CLEC9A: variants seen among roughly 807,000 people sequenced by gnomAD.
CLEC9A encodes C-type lectin domain family 9 member A.
Under a neutral mutation model 30.0 loss-of-function variants are expected in CLEC9A, and 24 were observed. The observed-to-expected ratio is 0.80, with a 90% CI of 0.58 to 1.13. The LOEUF is 1.13. Among genes scored for constraint, CLEC9A ranks in the 50% most tolerant of loss-of-function variants. The pLI is 0.00. For missense variants in CLEC9A, 251 were observed against 280.9 expected, an observed-to-expected ratio of 0.89 and a Z score of 0.76; for synonymous variants, 111 against 96.8, an observed-to-expected ratio of 1.15 and a Z score of -0.86.
chr12:10,040,544 A>G (rs917705791), intron 1 of CLEC9A, among the ~76,000 whole-genome samples: 8 of 149,854 alleles, frequency 5.3e-5, no homozygotes, highest in South Asian at 2.1e-4. Flanking sequence ...TCCGCCTCCC[A>G]GGTTCACGCC....
chr12:10,051,233 T>A (rs1181943754), intron 2 of CLEC9A, among the ~76,000 whole-genome samples: 1 of 151,664 alleles, frequency 6.6e-6, no homozygotes, highest in Non-Finnish European at 1.5e-5. Flanking sequence ...ATAAATAAAT[T>A]AAATAAATAA....
At chr12:10,060,995 C>A in intron 5 of CLEC9A, 132 bp from the exon 6 acceptor site, 1 of 1,133,930 alleles carries the variant, frequency 8.8e-7, no homozygotes, top group Non-Finnish European at 1.2e-6. Flanking sequence ...AAATTTTAAG[C>A]AAAAACCTAA....
intron 5 of CLEC9A, among the ~76,000 whole-genome samples, chr12:10,055,296 CT>C (rs1865931705): frequency 1.3e-5 from 2 of 152,244 alleles, no homozygotes; most frequent in African/African-American, 4.8e-5. Context: ...TGTGAGTTCG[CT>C]TTTTAAGAAG....
chr12:10,049,509 A>G (rs1360928346), intron 2 of CLEC9A, among the ~76,000 whole-genome samples: 2 of 152,290 alleles, frequency 1.3e-5, no homozygotes, highest in Admixed American at 1.3e-4. Flanking sequence ...GCAACCTTCA[A>G]TTATCTTAGC....
At chr12:10,049,442 G>A (rs1193264444) in intron 2 of CLEC9A, among the ~76,000 whole-genome samples, 2 of 152,086 alleles carry the variant, frequency 1.3e-5, no homozygotes, top group Non-Finnish European at 2.9e-5. Context: ...AGTCCTAGAT[G>A]TCATCTTTCC....
rs747201928 is a variant in CLEC9A, at chr12:10,064,862, CT to C, written c.593+10del. 5.6e-6 allele frequency: 9 copies of C among 1,606,024 alleles called. No individual in the cohort carries two copies. In the East Asian group the frequency reaches 2.0e-4, roughly 36 times the overall value. ...TCTCCTTCTCCTGGCCTGTAAGTCT[CT>C]GAGTGAAATGCTACAAGAAAAGTTA... On this transcript the variant is annotated intron_variant, in intron 8 of 8. Transcript: ENST00000355819.
intron 2 of CLEC9A, chr12:10,045,616 A>G (rs1042364799): frequency 8.7e-5 from 23 of 263,778 alleles, no homozygotes; most frequent in Non-Finnish European, 1.5e-4. Context: ...GCCAAGGTGG[A>G]CCAGCTACCT....
chr12:10,065,568 C>G lies in CLEC9A; in HGVS notation c.662C>G (p.Ser221Trp). 1.2e-6 allele frequency: 2 copies of G among 1,613,934 alleles called. No homozygotes were observed. The highest frequency in any genetic ancestry group is 1.7e-6 in the Non-Finnish European group (2 of 1,179,892). Residue 221 changes from serine (S) to tryptophan (W), a missense_variant, in exon 9 of 9, where the codon TCG (serine) becomes TGG (tryptophan). Transcript: ENST00000355819. ...TACGTGAAAAGCAATTCCCTTCTTTCGTCTAACTGCAGCACGTGGAAGTAT... is the reference window on the plus strand; with the variant it reads ...TACGTGAAAAGCAATTCCCTTCTTTGGTCTAACTGCAGCACGTGGAAGTAT... ...CGYVKSNSLL[S>W]SNCSTWKYFI...
chr12:10,051,185 ACAAGAGTGAAACTCTGTCT>A (rs1028216341), intron 2 of CLEC9A, among the ~76,000 whole-genome samples: 1 of 151,860 alleles, frequency 6.6e-6, no homozygotes, highest in African/African-American at 2.4e-5. Flanking sequence ...AGCCTGGGCG[ACAAGAGTGAAACTCTGTCT>A]AAAAAAAAAA....
chr12:10,031,363 C>T (rs981437086), intron 1 of CLEC9A, among the ~76,000 whole-genome samples: 1 of 152,222 alleles, frequency 6.6e-6, no homozygotes, highest in Non-Finnish European at 1.5e-5. Flanking sequence ...GCCCTCTGCA[C>T]TTTCTCTTTA....
At chr12:10,036,207 ATAGTTAT>A (rs1177945985) in intron 1 of CLEC9A, among the ~76,000 whole-genome samples, 5 of 152,140 alleles carry the variant, frequency 3.3e-5, no homozygotes, top group African/African-American at 1.2e-4. Context: ...TTTTGGTCTG[ATAGTTAT>A]TAGTTGTTTG....
intron 1 of CLEC9A, among the ~76,000 whole-genome samples, chr12:10,036,729 T>C (rs1403076540): frequency 3.3e-5 from 5 of 152,160 alleles, no homozygotes; most frequent in African/African-American, 7.2e-5. Context: ...GATAATAGAG[T>C]CTATGAAAGA....
intron 8 of CLEC9A, 62 bp from the exon 9 acceptor site, chr12:10,065,437 AC>A (rs1453602108): frequency 4.5e-5 from 71 of 1,593,768 alleles, no homozygotes; most frequent in Non-Finnish European, 6.0e-5. Flanking sequence ...CTCATTAGTT[AC>A]CCTCAGGAGC....
chr12:10,033,563 G>C (rs182500768), intron 1 of CLEC9A, among the ~76,000 whole-genome samples: 1 of 152,030 alleles, frequency 6.6e-6, no homozygotes, highest in South Asian at 2.1e-4. Flanking sequence ...CCATACCTAC[G>C]GTTCCTCTGC....
chr12:10,062,244 C>T (rs1733628998), intron 6 of CLEC9A, among the ~76,000 whole-genome samples: 1 of 152,194 alleles, frequency 6.6e-6, no homozygotes, highest in South Asian at 2.1e-4. Context: ...ACATCTGGCC[C>T]ATGGAAGCTA....
Position 10,044,252 on chromosome 12 carries a change from T to G in CLEC9A, c.-163+2632T>G, listed in dbSNP as rs1865825910. 2.6e-5 allele frequency among the ~76,000 whole-genome samples: 4 copies of G among 152,220 alleles called. No homozygotes were observed. In the South Asian group the frequency reaches 8.3e-4, roughly 32 times the overall value. The stretch of plus-strand genomic sequence containing the variant: ...GGTTTTCCAATGTCCAGTCTCAACA[T>G]CTTTTGTCCATCCTATATATCAAAA... On this transcript the variant is annotated intron_variant, in intron 2 of 8. Coordinates refer to ENST00000355819, the MANE Select transcript of CLEC9A (RefSeq NM_207345.4).
In CLEC9A at chr12:10,040,891, C is replaced by T. The variant is rs74327140; in HGVS notation, c.-317-575C>T. On this transcript the variant is annotated intron_variant, in intron 1 of 8. Coordinates refer to ENST00000355819, the MANE Select transcript of CLEC9A (RefSeq NM_207345.4). ...ACCTACAAGTTGAGAATGAAAATCT[C>T]TCAGGAACTCTGCAACAATTAGCAA... 1.0e-2 allele frequency: 2,108 copies of T among 210,846 alleles called. 52 individuals carry two copies. The highest frequency in any genetic ancestry group is 0.047 in the African/African-American group (1,999 of 42,446). The allele number at this position is 210,846 out of a possible 1,614,324, so 13.1% of individuals were successfully genotyped here.
At chr12:10,055,322 A>T (rs1221454470) in intron 5 of CLEC9A, among the ~76,000 whole-genome samples, 1 of 152,234 alleles carries the variant, frequency 6.6e-6, no homozygotes, top group African/African-American at 2.4e-5. Context: ...CATATTAAAT[A>T]CCTGTGGAAA....
intron 1 of CLEC9A, among the ~76,000 whole-genome samples, chr12:10,034,720 C>T (rs555728668): frequency 3.9e-5 from 6 of 152,274 alleles, no homozygotes; most frequent in East Asian, 3.9e-4. Context: ...TTCAGTGCCC[C>T]GCTACTCAGA....
Sources: allele counts gnomAD v4.1 joint callset (sites outside exome capture counted in the v4.1 genomes callset), GRCh38; gene constraint gnomAD v4.1.1; transcripts MANE v1.5; gene names NCBI Gene and HGNC (gene_info 2026-07-23, HGNC 2026-07-21).